STON2: variants seen among roughly 807,000 people sequenced by gnomAD.
STON2 encodes stonin 2.
A neutral mutation model predicts 65.7 loss-of-function variants in STON2; 29 were observed. That is an observed-to-expected ratio of 0.44 (90% CI 0.33 to 0.60). STON2 has a LOEUF of 0.60. STON2 is among the 20% of genes least tolerant of loss of function. The pLI is 0.03. For synonymous variants in STON2, 404 were observed against 414.2 expected (o/e 0.98, Z 0.30); for missense variants, 1,054 against 1,118.1 (o/e 0.94, Z 0.82).
chr14:81,371,249 G>A, intron 3 of STON2, 64 bp from the exon 4 acceptor site: 10 of 1,470,122 alleles, frequency 6.8e-6, no homozygotes, highest in Non-Finnish European at 9.4e-6. Flanking sequence ...TATCTTTAGT[G>A]CTTATCTTAC....
At chr14:81,354,323 T>C (rs1898137956) in intron 4 of STON2, among the ~76,000 whole-genome samples, 2 of 152,214 alleles carry the variant, frequency 1.3e-5, no homozygotes, top group Non-Finnish European at 1.5e-5. Flanking sequence ...AGTTCTGTCT[T>C]TCCAGGGTCC....
intron 3 of STON2, among the ~76,000 whole-genome samples, chr14:81,376,345 T>C (rs1899250140): frequency 6.6e-6 from 1 of 152,008 alleles, no homozygotes; most frequent in Admixed American, 6.6e-5. Context: ...AAATAATAAA[T>C]GTCTTTATAC....
In STON2 at chr14:81,278,604, T is replaced by C. The variant is rs201199783; in HGVS notation, c.878A>G (p.Asp293Gly). Residue 293 changes from aspartate (D) to glycine (G), a missense_variant, in exon 6 of 8, where the codon GAT (aspartate) becomes GGT (glycine). Asp to Gly is a moderately conservative substitution (Grantham distance 94). Transcript: ENST00000614646. ...TAAAGGGCAGCTGACTTCATTGTCATCAAAGGTGACCCAGCTGGGAAAACG... is the reference window on the plus strand; with the variant it reads ...TAAAGGGCAGCTGACTTCATTGTCACCAAAGGTGACCCAGCTGGGAAAACG... ...SARFPSWVTF[D>G]DNEVSCPLPP... The C allele has an allele frequency of 5.6e-6, 9 of 1,597,246 alleles. No homozygotes were observed. The East Asian group carries it at 2.0e-4, about 36-fold the overall frequency.
chr14:81,396,136 T>A lies in STON2; in HGVS notation c.131A>T (p.Asp44Val). 1 of 1,613,874 alleles carries A rather than the reference T, an allele frequency of 6.2e-7. No individual in the cohort carries two copies. Among genetic ancestry groups the A allele is most frequent in the Non-Finnish European group, 8.5e-7 (1 of 1,179,936 alleles). The change falls in exon 3 of 8, where the codon GAC becomes GTC. Residue 44 changes from aspartate to valine, a missense_variant. By Grantham distance (152) the Asp-to-Val change is radical. Coordinates refer to ENST00000614646, the MANE Select transcript of STON2 (RefSeq NM_001394390.1). ...CTCCCCGGAGGAGCTCTCGGACTGG[T>A]CTGGGGAAGATGACAGTCCTGGGAG... is the stretch of plus-strand genomic sequence containing the variant. ...EHLPGLSSSP[D>V]QSESSSGENH...
intron 5 of STON2, among the ~76,000 whole-genome samples, chr14:81,304,637 A>T (rs145246004): frequency 0.025 from 3,759 of 152,216 alleles, 162 homozygotes; most frequent in African/African-American, 0.087. Flanking sequence ...CTGAGGCATG[A>T]GAATTGCTTG....
At chr14:81,422,189 G>C (rs1429708310) in intron 2 of STON2, among the ~76,000 whole-genome samples, 1 of 152,150 alleles carries the variant, frequency 6.6e-6, no homozygotes, top group Non-Finnish European at 1.5e-5. Context: ...TGGATGGTGA[G>C]GCCAGATCCC....
intron 4 of STON2, among the ~76,000 whole-genome samples, chr14:81,339,408 C>T (rs778446209): frequency 2.6e-4 from 40 of 152,080 alleles, no homozygotes; most frequent in Admixed American, 8.5e-4. Context: ...TAACCTGGCA[C>T]GCAAGGTGGA....
chr14:81,434,813 A>G (rs2139939041), intron 1 of STON2, among the ~76,000 whole-genome samples: 1 of 152,346 alleles, frequency 6.6e-6, no homozygotes, highest in Non-Finnish European at 1.5e-5. Flanking sequence ...AGATTAACCA[A>G]GAAAAGAAAG....
At chr14:81,391,635 TCAAGTTGGGTATTGG>T (rs978162149) in intron 3 of STON2, among the ~76,000 whole-genome samples, 2 of 152,216 alleles carry the variant, frequency 1.3e-5, no homozygotes, top group African/African-American at 4.8e-5. Context: ...CATTGATGGG[TCAAGTTGGGTATTGG>T]CAGAAAATTT....
intron 3 of STON2, among the ~76,000 whole-genome samples, chr14:81,376,556 A>C (rs1421059091): frequency 3.9e-5 from 6 of 152,152 alleles, no homozygotes; most frequent in Non-Finnish European, 7.4e-5. Flanking sequence ...GGAAAAAGAA[A>C]AAATTTTAAT....
chr14:81,371,241 T>C (rs1387566708), intron 3 of STON2, 56 bp from the exon 4 acceptor site: 10 of 1,502,798 alleles, frequency 6.7e-6, no homozygotes, highest in African/African-American at 1.4e-5. Context: ...ACTTTGTTTA[T>C]CTTTAGTGCT....
At chr14:81,408,735 T>C (rs553906176) in intron 2 of STON2, among the ~76,000 whole-genome samples, 19 of 152,340 alleles carry the variant, frequency 1.2e-4, no homozygotes, top group East Asian at 3.9e-4. Flanking sequence ...GAGTCAAGAA[T>C]CTAAGTTACA....
At chr14:81,420,151 A>G (rs1901633454) in intron 2 of STON2, among the ~76,000 whole-genome samples, 1 of 152,192 alleles carries the variant, frequency 6.6e-6, no homozygotes, top group Non-Finnish European at 1.5e-5. Flanking sequence ...CTGGGTCCTG[A>G]AGTAGTGAAA....
intron 4 of STON2, among the ~76,000 whole-genome samples, chr14:81,361,151 C>T (rs776780772): frequency 6.6e-5 from 10 of 151,908 alleles, no homozygotes; most frequent in Non-Finnish European, 1.2e-4. Context: ...TCCTAAAATT[C>T]CACACTGAAT....
In STON2 at chr14:81,413,134, C is replaced by T. The variant is rs918421122; in HGVS notation, c.-199+13968G>A. The T allele has an allele frequency of 2.3e-6, 3 of 1,305,604 alleles. 1 individual carries two copies. In the African/African-American group the frequency reaches 5.4e-5, roughly 23 times the overall value. 80.9% of individuals were successfully genotyped at this position (1,305,604 alleles called of 1,614,324 possible). A position where few individuals can be genotyped will look rare whatever the true frequency, so the allele number is the denominator to read the frequency against. Reference sequence around the variant, plus strand: ...ACAAGAAGTACAATCCCACCTGACACTGCATCGTGGGGAGGAACTTCAGTA... The same window carrying T: ...ACAAGAAGTACAATCCCACCTGACATTGCATCGTGGGGAGGAACTTCAGTA... On this transcript the variant is annotated intron_variant, in intron 2 of 8. Coordinates refer to the STON2 transcript ENST00000553821.
chr14:81,355,531 C>T (rs898501077), intron 4 of STON2, among the ~76,000 whole-genome samples: 1 of 152,114 alleles, frequency 6.6e-6, no homozygotes, highest in Non-Finnish European at 1.5e-5. Flanking sequence ...ACCAAGAATA[C>T]TTCGTTCAAC....
intron 4 of STON2, among the ~76,000 whole-genome samples, chr14:81,334,747 G>A (rs1897313232): frequency 6.6e-6 from 1 of 152,192 alleles, no homozygotes; most frequent in South Asian, 2.1e-4. Context: ...CTGGGAAAGA[G>A]CAAGACAGGG....
chr14:81,327,526 G>A (rs1212388590), intron 4 of STON2, among the ~76,000 whole-genome samples: 1 of 152,092 alleles, frequency 6.6e-6, no homozygotes, highest in Non-Finnish European at 1.5e-5. Flanking sequence ...CTTCCATCAA[G>A]AGGCAACTGG....
intron 5 of STON2, among the ~76,000 whole-genome samples, chr14:81,318,282 A>C (rs1896699699): frequency 6.6e-6 from 1 of 152,010 alleles, no homozygotes; most frequent in African/African-American, 2.4e-5. Context: ...TTTCCCTTCA[A>C]AATTCCATTA....
Sources: gnomAD v4.1 joint callset for allele counts (sites outside exome capture counted in the v4.1 genomes callset) on GRCh38, gnomAD v4.1.1 for gene constraint, MANE v1.5 for transcripts, NCBI Gene and HGNC (gene_info 2026-07-23, HGNC 2026-07-21) for gene names.